The following FGGY variants were observed in gnomAD, a reference collection of about 807,000 sequenced individuals.
The protein encoded by FGGY is FGGY carbohydrate kinase domain containing.
In FGGY, 72 loss-of-function variants were observed where a neutral mutation model predicts 71.3. The observed-to-expected ratio is 1.01, with a 90% confidence interval of 0.84 to 1.23. The LOEUF (loss-of-function observed/expected upper bound fraction) is 1.23, where lower values mean the gene tolerates loss of function less well. Ranked by LOEUF, FGGY falls within the 50% of genes most tolerant of loss-of-function variation. The pLI, the probability that FGGY is intolerant of heterozygous loss-of-function variation, is 0.00. For missense variants in FGGY, 668 were observed against 682.3 expected (o/e 0.98, Z 0.23); for synonymous variants, 251 against 250.3 (o/e 1.00, Z -0.02).
chr1:59,714,378 G>A (rs1036259756), intron 14 of FGGY, among the ~76,000 whole-genome samples: 2 of 152,160 alleles, frequency 1.3e-5, no homozygotes, highest in Non-Finnish European at 2.9e-5. Context: ...AGACCTAGTG[G>A]TGGGTGAATC....
chr1:59,655,252 G>T (rs1439327583), intron 11 of FGGY, among the ~76,000 whole-genome samples: 2 of 152,130 alleles, frequency 1.3e-5, no homozygotes, highest in African/African-American at 4.8e-5. Context: ...GAAAGAAAAT[G>T]AATACTTATT....
At chr1:59,745,662 A>C (rs200342559) in intron 14 of FGGY, among the ~76,000 whole-genome samples, 1 of 152,336 alleles carries the variant, frequency 6.6e-6, no homozygotes, top group East Asian at 1.9e-4. Context: ...ATCCTGGCTA[A>C]ATGTTTCTGT....
intron 5 of FGGY, among the ~76,000 whole-genome samples, chr1:59,381,075 C>A (rs1257109398): frequency 6.6e-6 from 1 of 152,148 alleles, no homozygotes; most frequent in Non-Finnish European, 1.5e-5. Flanking sequence ...TTGTTTTTCT[C>A]AGGTTTGTCA....
chr1:59,412,221 G>A (rs74593449), intron 5 of FGGY, among the ~76,000 whole-genome samples: 4 of 152,202 alleles, frequency 2.6e-5, no homozygotes, highest in Non-Finnish European at 4.4e-5. Flanking sequence ...GGCACCCCAC[G>A]AGGTTCCATG....
At position 59,340,062 on chromosome 1, in the gene FGGY, C is replaced by T. The variant is rs1327687926; in HGVS notation, c.306C>T (p.Asn102=). 2 of 1,609,260 alleles carry T rather than the reference C, an allele frequency of 1.2e-6. No individual in the cohort carries two copies. The highest frequency in any genetic ancestry group is 1.7e-6 in the Non-Finnish European group (2 of 1,176,840). The change falls in exon 3 of 16, where the codon AAC becomes AAT. Residue 102 remains asparagine (N), a synonymous_variant. Coordinates refer to ENST00000303721, the MANE Select transcript of FGGY (RefSeq NM_018291.5). ...LDKQFHPLPV[N]QEGDSHRNVI... ...AGCAGTTTCACCCATTACCAGTCAA[C>T]CAGGAAGGTAAGACCATGTCTCTTC...
At chr1:59,723,090 C>A (rs927299544) in intron 14 of FGGY, among the ~76,000 whole-genome samples, 3 of 152,178 alleles carry the variant, frequency 2.0e-5, no homozygotes, top group Non-Finnish European at 4.4e-5. Flanking sequence ...AGCCACTGTG[C>A]CTGGCCAGAG....
intron 4 of FGGY, among the ~76,000 whole-genome samples, chr1:59,359,372 A>G (rs76687656): frequency 0.019 from 2,925 of 152,292 alleles, 106 homozygotes; most frequent in African/African-American, 0.068. Flanking sequence ...TAGACTCAAA[A>G]TGAAAGAATC....
chr1:59,377,277 C>T (rs2058773653), intron 4 of FGGY, among the ~76,000 whole-genome samples: 1 of 152,100 alleles, frequency 6.6e-6, no homozygotes, highest in Admixed American at 6.5e-5. Flanking sequence ...TAAAAACATA[C>T]CCGAGACTGG....
intron 14 of FGGY, among the ~76,000 whole-genome samples, chr1:59,717,101 T>G (rs1410736479): frequency 2.0e-5 from 3 of 152,182 alleles, no homozygotes; most frequent in Admixed American, 2.0e-4. Flanking sequence ...GGTATCATCC[T>G]GTTTTACAGA....
rs559684968 is a variant in FGGY at position 59,346,165 on chromosome 1, A to T, written c.314-82A>T. The T allele has an allele frequency of 4.6e-6, 7 of 1,532,340 alleles. No individual in the cohort carries two copies. The East Asian group carries it at 1.4e-4, about 30-fold the overall frequency. 94.9% of individuals were successfully genotyped at this position (1,532,340 alleles called of 1,614,324 possible). On this transcript the variant is annotated intron_variant, in intron 3 of 15. Transcript: ENST00000303721. Reference sequence around the variant, plus strand: ...ATTATAGAAAGTACATAGCATTTTGATCTTGGGAATCCATAATTGTTCCCT... The same window carrying T: ...ATTATAGAAAGTACATAGCATTTTGTTCTTGGGAATCCATAATTGTTCCCT...
chr1:59,378,986 C>T (rs1283363876), intron 5 of FGGY, 149 bp downstream of exon 5: 18 of 627,360 alleles, frequency 2.9e-5, no homozygotes, highest in Non-Finnish European at 4.4e-5. Flanking sequence ...AATCTATCTT[C>T]GACCTCCACT....
At chr1:59,580,388 C>G (rs567507308) in intron 8 of FGGY, among the ~76,000 whole-genome samples, 19 of 152,250 alleles carry the variant, frequency 1.2e-4, no homozygotes, top group South Asian at 4.1e-4. Flanking sequence ...CCCTTTACCC[C>G]CCGCCTTGTT....
At position 59,726,847 on chromosome 1, in the gene FGGY, T is replaced by C. The variant is rs150884964; in HGVS notation, c.1513-31084T>C. 3.7e-3 allele frequency among the ~76,000 whole-genome samples: 567 copies of C among 152,296 alleles called. 5 individuals are homozygous for C. The highest frequency in any genetic ancestry group is 0.013 in the African/African-American group (537 of 41,572). ...GCTTTCCTGTGTTTAAATTCATTGA[T>C]TTATGCTCTAATTTTTATTATTTCT... On this transcript the variant is annotated intron_variant, in intron 14 of 15. Transcript: ENST00000303721.
intron 4 of FGGY, among the ~76,000 whole-genome samples, chr1:59,355,620 A>G (rs1163858463): frequency 6.6e-6 from 1 of 151,420 alleles, no homozygotes; most frequent in Non-Finnish European, 1.5e-5. Flanking sequence ...GCAGAATTTT[A>G]TCTCTGCCCT....
At chr1:59,695,750 C>T (rs2097652208) in intron 14 of FGGY, among the ~76,000 whole-genome samples, 1 of 152,178 alleles carries the variant, frequency 6.6e-6, no homozygotes, top group Non-Finnish European at 1.5e-5. Context: ...TGGACCGTGG[C>T]TGGTCCATAA....
intron 14 of FGGY, among the ~76,000 whole-genome samples, chr1:59,716,830 G>A (rs1264562163): frequency 2.0e-5 from 3 of 152,098 alleles, no homozygotes; most frequent in Non-Finnish European, 2.9e-5. Flanking sequence ...GATGGAAGCG[G>A]GAAAAGGAAC....
chr1:59,400,496 A>G (rs1273762925), intron 5 of FGGY, among the ~76,000 whole-genome samples: 1 of 151,856 alleles, frequency 6.6e-6, no homozygotes, highest in Non-Finnish European at 1.5e-5. Context: ...TAAAGTAAGC[A>G]CAAAGTACGT....
chr1:59,590,553 A>C (rs893664369), intron 8 of FGGY, among the ~76,000 whole-genome samples: 5 of 152,176 alleles, frequency 3.3e-5, no homozygotes, highest in African/African-American at 1.2e-4. Flanking sequence ...AATACTGGCA[A>C]ACCGAATCCA....
intron 5 of FGGY, among the ~76,000 whole-genome samples, chr1:59,403,283 C>G (rs771709382): frequency 2.0e-5 from 3 of 152,176 alleles, no homozygotes; most frequent in Non-Finnish European, 4.4e-5. Context: ...CTGACTTTGA[C>G]AAGCCTAGAC....
Sources: gnomAD v4.1 joint callset for allele counts (sites outside exome capture counted in the v4.1 genomes callset) on GRCh38, gnomAD v4.1.1 for gene constraint, MANE v1.5 for transcripts, NCBI Gene and HGNC (gene_info 2026-07-23, HGNC 2026-07-21) for gene names.